The following EPHA10 variants were observed in gnomAD, a reference collection of about 807,000 sequenced individuals.
EPHA10 encodes the protein EPH receptor A10.
In EPHA10, 120 loss-of-function variants were observed where a neutral mutation model predicts 109.7. That is an observed-to-expected ratio of 1.09 (90% CI 0.94 to 1.27). EPHA10 has a LOEUF of 1.27. Among genes scored for constraint, EPHA10 ranks in the 50% most tolerant of loss-of-function variants. The probability of loss-of-function intolerance (pLI) is 0.00; values close to 1 mark genes in which losing one functional copy is unlikely to be tolerated. For synonymous variants in EPHA10, 640 were observed against 618.9 expected (o/e 1.03, Z -0.51); for missense variants, 1,396 against 1,411.1 (o/e 0.99, Z 0.17).
intron 5 of EPHA10, among the ~76,000 whole-genome samples, chr1:37,752,493 C>T (rs925511758): frequency 2.6e-4 from 40 of 152,232 alleles, no homozygotes; most frequent in Admixed American, 7.2e-4. Context: ...AAGGGACTTT[C>T]CACCTCTTTT....
chr1:37,723,364 C>T lies in EPHA10; in HGVS notation c.1781G>A (p.Ser594Asn), dbSNP rs1460758304. ...GGCATCCCCTCCTCCTTTGCCATAG[C>T]TGCAGGGCCTGGCAGGGAGTTCAGG... ...SVLAIWRRPC[S>N]YGKGGGDAHD... Residue 594 changes from serine to asparagine, a missense_variant, in exon 9 of 17, where the codon AGC (serine) becomes AAC (asparagine). Physicochemically the swap from Ser to Asn is conservative, Grantham distance 46. Transcript: ENST00000373048. 6.2e-7 allele frequency: 1 copy of T among 1,614,082 alleles called. No individual in the cohort carries two copies. The highest frequency in any genetic ancestry group is 8.5e-7 in the Non-Finnish European group (1 of 1,180,034).
Position 37,761,517 on chromosome 1 carries a change from C to G in EPHA10, c.738G>C (p.Gly246=), listed in dbSNP as rs761187390. ...VAGTCVAHSE[G]EPGSPPRMHC... The stretch of plus-strand genomic sequence containing the variant: ...GCATGCGTGGGGGGCTGCCAGGCTC[C>G]CCTTCCGAGTGCGCCACGCACGTTC... Residue 246 remains glycine, a synonymous_variant, in exon 3 of 17, where the codon GGG becomes GGC. Transcript: ENST00000373048. The G allele has an allele frequency of 3.1e-6, 5 of 1,599,394 alleles. No individual in the cohort carries two copies. The highest frequency in any genetic ancestry group is 4.2e-6 in the Non-Finnish European group (5 of 1,178,158).
At position 37,761,487 on chromosome 1, in the gene EPHA10, G is replaced by A. The variant is rs1231144183; in HGVS notation, c.768C>T (p.Cys256=). 6.2e-7 allele frequency: 1 copy of A among 1,600,374 alleles called. No individual in the cohort carries two copies. The highest frequency in any genetic ancestry group is 8.5e-7 in the Non-Finnish European group (1 of 1,179,310). ...GEPGSPPRMH[C]GADGEWLVPV... is the part of the protein sequence containing the mutation. The stretch of plus-strand genomic sequence containing the variant: ...GCACCAGCCACTCGCCGTCGGCGCC[G>A]CAGTGCATGCGTGGGGGGCTGCCAG... Residue 256 remains cysteine (C), a synonymous_variant, in exon 3 of 17, where the codon TGC becomes TGT. Coordinates refer to ENST00000373048, the MANE Select transcript of EPHA10 (RefSeq NM_001099439.2).
intron 3 of EPHA10, among the ~76,000 whole-genome samples, chr1:37,759,935 T>C (rs2148369923): frequency 6.6e-6 from 1 of 152,304 alleles, no homozygotes; most frequent in African/African-American, 2.4e-5. Flanking sequence ...TCTGGAGAGC[T>C]CAGGAAGGTT....
Position 37,727,150 on chromosome 1 carries a change from G to T in EPHA10, c.1724C>A (p.Ala575Asp). The T allele has an allele frequency of 6.2e-7, 1 of 1,613,094 alleles. No individual in the cohort carries two copies. ...AIVVTVVTISALLVLGSVMSV... is the reference protein window; with the variant it reads ...AIVVTVVTISDLLVLGSVMSV... ...CATCACGGAGCCCAGGACGAGGAGG[G>T]CCGAGATGGTCACTACGGTGACGAC... The change falls in exon 8 of 17, where the codon GCC becomes GAC. Residue 575 changes from alanine to aspartate, a missense_variant. Coordinates refer to ENST00000373048, the MANE Select transcript of EPHA10 (RefSeq NM_001099439.2).
intron 12 of EPHA10, 44 bp from the exon 13 acceptor site, chr1:37,720,598 C>A (rs1433213004): frequency 6.3e-7 from 1 of 1,576,648 alleles, no homozygotes; most frequent in African/African-American, 1.4e-5. Flanking sequence ...CGCTTGGATC[C>A]CCTGGTGTTG....
At position 37,720,878 on chromosome 1, in the gene EPHA10, T is replaced by C. The variant is rs59694929; in HGVS notation, c.2147-34A>G. ...AGGGATGGGAACACACATGCTAAGT[T>C]GTCCACTCCACTCCGCACGCACACA... On this transcript the variant is annotated intron_variant, in intron 11 of 16. Transcript: ENST00000373048. 859 of 1,610,106 alleles carry C rather than the reference T, an allele frequency of 5.3e-4. 11 individuals carry two copies. In the African/African-American group the frequency reaches 9.5e-3, roughly 18 times the overall value.
chr1:37,739,532 T>C (rs1354143421), intron 5 of EPHA10, among the ~76,000 whole-genome samples: 1 of 151,704 alleles, frequency 6.6e-6, no homozygotes, highest in East Asian at 1.9e-4. Flanking sequence ...CTACTAAAAT[T>C]ACAGAAATTA....
At position 37,720,389 on chromosome 1, in the gene EPHA10, C is replaced by T; in HGVS notation, c.2374G>A (p.Gly792Ser). 6.2e-7 allele frequency: 1 copy of T among 1,612,702 alleles called. No individual in the cohort carries two copies. Among genetic ancestry groups the T allele is most frequent in the Non-Finnish European group, 8.5e-7 (1 of 1,179,858 alleles). The change falls in exon 13 of 17, where the codon GGC (glycine) becomes AGC (serine). Residue 792 changes from glycine (G) to serine (S), a missense_variant. By Grantham distance (56) the Gly-to-Ser change is moderately conservative. Transcript: ENST00000373048. ...LVCKISGFGR[G>S]PRDRSEAVYT... ...ACAGCCTCTGATCGGTCCCGGGGGC[C>T]CCGCCCGAAGCCAGAGATCTTGCAG...
chr1:37,752,825 C>A, intron 5 of EPHA10, 51 bp downstream of exon 5: 1 of 1,194,246 alleles, frequency 8.4e-7, no homozygotes, highest in Non-Finnish European at 1.0e-6. Flanking sequence ...CAAGAGGGCG[C>A]AGGGGCGGCA....
Position 37,754,463 on chromosome 1 carries a change from T to C in EPHA10, c.851-93A>G, listed in dbSNP as rs1185113905. ...TTAGGGCAGCGTTTATCTCCTCCAA[T>C]TGCGATAGAAAAACAGTCAGGGGAC... On this transcript the variant is annotated intron_variant, in intron 3 of 16. Transcript: ENST00000373048. The surrounding 1 kb of genome is among the most constrained non-coding windows in gnomAD (Gnocchi z 4.5). 1.7e-6 allele frequency: 2 copies of C among 1,176,992 alleles called. No homozygotes were observed. The highest frequency in any genetic ancestry group is 2.1e-6 in the Non-Finnish European group (2 of 932,146). The allele number at this position is 1,176,992 out of a possible 1,614,324, so 72.9% of individuals were successfully genotyped here. A position where few individuals can be genotyped will look rare whatever the true frequency, so the allele number is the denominator to read the frequency against.
At chr1:37,763,649 G>C (rs1646451995) in intron 1 of EPHA10, among the ~76,000 whole-genome samples, 2 of 135,910 alleles carry the variant, frequency 1.5e-5, no homozygotes, top group Admixed American at 1.5e-4. Flanking sequence ...CAAAATTATA[G>C]CTAAGAGTCA....
intron 11 of EPHA10, 108 bp from the exon 12 acceptor site, chr1:37,720,952 ACCAAGCTCC>A: frequency 9.5e-7 from 1 of 1,054,850 alleles, no homozygotes. Context: ...CAGAACCAGC[ACCAAGCTCC>A]CTAATCTCGC....
At position 37,754,030 on chromosome 1, in the gene EPHA10, C is replaced by G. The variant is rs1646369672; in HGVS notation, c.1006+185G>C. Reference sequence around the variant, plus strand: ...GTCCTGGTTCTTCTCATCAAAGGCCCCGGCCCCCAGGGCGCGTCCAGGCTC... The same window carrying G: ...GTCCTGGTTCTTCTCATCAAAGGCCGCGGCCCCCAGGGCGCGTCCAGGCTC... On this transcript the variant is annotated intron_variant, in intron 4 of 16. Transcript: ENST00000373048. The surrounding 1 kb of genome is among the most constrained non-coding windows in gnomAD (Gnocchi z 4.5). Among the ~76,000 whole-genome samples, 1 of 152,156 alleles carries G rather than the reference C, an allele frequency of 6.6e-6. No homozygotes were observed. Among genetic ancestry groups the G allele is most frequent in the South Asian group, 2.1e-4 (1 of 4,830 alleles).
intron 1 of EPHA10, among the ~76,000 whole-genome samples, chr1:37,763,860 C>T (rs1646453922): frequency 6.6e-6 from 1 of 152,194 alleles, no homozygotes; most frequent in African/African-American, 2.4e-5. Flanking sequence ...GAAATAAAAT[C>T]TCTCTTCTCC....
At chr1:37,731,777 A>G (rs1289287646) in intron 6 of EPHA10, among the ~76,000 whole-genome samples, 195 bp from the exon 7 acceptor site, 1 of 152,170 alleles carries the variant, frequency 6.6e-6, no homozygotes, top group African/African-American at 2.4e-5. Context: ...CTTCACCACA[A>G]GCACCCACCC....
chr1:37,761,088 T>TAAAAAAA, intron 3 of EPHA10: 2 of 950,230 alleles, frequency 2.1e-6, no homozygotes, highest in Non-Finnish European at 2.6e-6. Flanking sequence ...ACTCCTTATT[T>TAAAAAAA]TAAAAAAAAA....
intron 10 of EPHA10, 93 bp downstream of exon 10, chr1:37,722,948 T>A: frequency 1.3e-6 from 2 of 1,589,432 alleles, no homozygotes; most frequent in South Asian, 2.2e-5. Context: ...GGAGGTGGGC[T>A]TCAGGATAGA....
chr1:37,738,821 T>A (rs1349390125), intron 5 of EPHA10, among the ~76,000 whole-genome samples: 1 of 151,764 alleles, frequency 6.6e-6, no homozygotes, highest in African/African-American at 2.4e-5. Flanking sequence ...TATGCAGCCA[T>A]AAAAAAAGGA....
Sources: gnomAD v4.1 joint callset for allele counts (sites outside exome capture counted in the v4.1 genomes callset) on GRCh38, gnomAD v4.1.1 for gene constraint, Gnocchi (gnomAD v3.1) non-coding constraint, MANE v1.5 for transcripts, NCBI Gene and HGNC (gene_info 2026-07-23, HGNC 2026-07-21) for gene names.